The following NRG3 variants were observed in gnomAD, a reference collection of about 807,000 sequenced individuals.
NRG3 encodes the protein pro-neuregulin-3, membrane-bound isoform.
In NRG3, 31 loss-of-function variants were observed where a neutral mutation model predicts 66.9. That is an observed-to-expected ratio of 0.46 (90% CI 0.35 to 0.63). The LOEUF (loss-of-function observed/expected upper bound fraction) is 0.63. Ranked by LOEUF, NRG3 falls within the 20% of genes least tolerant of loss-of-function variation. The pLI, the probability that NRG3 is intolerant of heterozygous loss-of-function variation, is 0.00. For synonymous variants in NRG3, 393 were observed against 359.4 expected (o/e 1.09, Z -1.06); for missense variants, 910 against 878.9 (o/e 1.04, Z -0.45).
At chr10:82,491,150 T>C (rs1843057359) in intron 2 of NRG3, among the ~76,000 whole-genome samples, 1 of 151,704 alleles carries the variant, frequency 6.6e-6, no homozygotes, top group South Asian at 2.1e-4. Flanking sequence ...TCCCCAGATA[T>C]CAGCTTTAAT....
Position 82,661,783 on chromosome 10 carries a change from G to T in NRG3, c.954-76794G>T, listed in dbSNP as rs145494355. 1.1e-4 allele frequency among the ~76,000 whole-genome samples: 16 copies of T among 152,316 alleles called. No individual in the cohort carries two copies. In the East Asian group the frequency reaches 1.4e-3, roughly 13 times the overall value. ...TAGGTTGGTCTGCTGAGGTTGGGTT[G>T]CTATCCAACACAAAACGCAAGCACT... On this transcript the variant is annotated intron_variant, in intron 2 of 8. Transcript: ENST00000372141.
intron 1 of NRG3, among the ~76,000 whole-genome samples, chr10:82,022,286 G>C (rs1392517609): frequency 6.6e-6 from 1 of 152,036 alleles, no homozygotes; most frequent in Non-Finnish European, 1.5e-5. Flanking sequence ...TCTGGCAGAA[G>C]GCACCTGAGA....
chr10:82,064,100 A>T (rs1429398154), intron 1 of NRG3, among the ~76,000 whole-genome samples: 1 of 152,332 alleles, frequency 6.6e-6, no homozygotes, highest in East Asian at 1.9e-4. Context: ...AAAGATAGGG[A>T]AACAACATTG....
intron 1 of NRG3, among the ~76,000 whole-genome samples, chr10:82,112,185 A>G (rs1387798537): frequency 1.3e-5 from 2 of 152,184 alleles, no homozygotes; most frequent in African/African-American, 4.8e-5. Context: ...CGAGGCTGCA[A>G]TAAGCTGTGA....
chr10:82,113,869 G>A (rs1250237137), intron 1 of NRG3, among the ~76,000 whole-genome samples: 2 of 152,152 alleles, frequency 1.3e-5, no homozygotes, highest in Non-Finnish European at 2.9e-5. Flanking sequence ...ATAATTTCAT[G>A]TGGTTTAACC....
Position 82,237,314 on chromosome 10 carries a change from T to C in NRG3, c.824-121425T>C, listed in dbSNP as rs183099088. ...GCCTCTGTTTGCAAAGGTCATTCTT[T>C]ATATCCATCAGGTGTCAGTTAAAAT... On this transcript the variant is annotated intron_variant, in intron 1 of 8. Transcript: ENST00000372141. Among the ~76,000 whole-genome samples the C allele has an allele frequency of 3.4e-4, 52 of 152,316 alleles. No homozygotes were observed. In the East Asian group the frequency reaches 0.01, roughly 29 times the overall value.
chr10:82,363,364 A>G (rs1230824951), intron 2 of NRG3, among the ~76,000 whole-genome samples: 1 of 152,246 alleles, frequency 6.6e-6, no homozygotes, highest in East Asian at 1.9e-4. Flanking sequence ...GTGTCCACAA[A>G]TACTACTTGA....
rs969535366 is a variant in NRG3, at chr10:82,096,904, A to G, written c.823+220741A>G. On this transcript the variant is annotated intron_variant, in intron 1 of 8. Transcript: ENST00000372141. ...ATAAGCCCTGATTTATCCCAAGATA[A>G]TGCCTAGTTAGATTATTTTCTTTGC... Among the ~76,000 whole-genome samples the G allele has an allele frequency of 9.2e-5, 14 of 152,310 alleles. No individual in the cohort carries two copies. In the East Asian group the frequency reaches 2.1e-3, roughly 23 times the overall value.
intron 2 of NRG3, among the ~76,000 whole-genome samples, chr10:82,406,147 T>A (rs2087501010): frequency 6.6e-6 from 1 of 152,144 alleles, no homozygotes; most frequent in African/African-American, 2.4e-5. Context: ...CTGGATGACT[T>A]AGATGTTAAG....
At position 82,576,837 on chromosome 10, in the gene NRG3, A is replaced by G. The variant is rs967594126; in HGVS notation, c.954-161740A>G. Among the ~76,000 whole-genome samples the G allele has an allele frequency of 4.0e-5, 6 of 151,868 alleles. No homozygotes were observed. The South Asian group carries it at 8.3e-4, about 21-fold the overall frequency. ...TAATAGGTTTGTTAGTAAATAAACA[A>G]ATGTCTCTAGGCACATGCTGATGGC... On this transcript the variant is annotated intron_variant, in intron 2 of 8. Transcript: ENST00000372141.
chr10:82,312,701 A>C (rs2135000769), intron 1 of NRG3, among the ~76,000 whole-genome samples: 1 of 152,366 alleles, frequency 6.6e-6, no homozygotes, highest in South Asian at 2.1e-4. Flanking sequence ...AAAGATCAAA[A>C]ACGAAAAAGA....
intron 3 of NRG3, among the ~76,000 whole-genome samples, chr10:82,855,457 G>A (rs2063758170): frequency 6.6e-6 from 1 of 152,052 alleles, no homozygotes; most frequent in African/African-American, 2.4e-5. Flanking sequence ...GAGGGCAGTG[G>A]CACTATCTAG....
chr10:82,333,341 CAG>C (rs759037631), intron 1 of NRG3, among the ~76,000 whole-genome samples: 14 of 152,160 alleles, frequency 9.2e-5, no homozygotes, highest in South Asian at 4.1e-4. Flanking sequence ...GCTGAGGAAT[CAG>C]AGAGATCAAG....
At chr10:82,479,766 G>T (rs1217476828) in intron 2 of NRG3, among the ~76,000 whole-genome samples, 1 of 151,374 alleles carries the variant, frequency 6.6e-6, no homozygotes, top group African/African-American at 2.4e-5. Context: ...AGGAGATTGA[G>T]ACCATCCTGG....
At chr10:82,137,080 A>G (rs2069420271) in intron 1 of NRG3, among the ~76,000 whole-genome samples, 1 of 152,126 alleles carries the variant, frequency 6.6e-6, no homozygotes, top group African/African-American at 2.4e-5. Flanking sequence ...TAGTTGTTCA[A>G]TTTGATGTTC....
chr10:82,597,522 G>A (rs1299986115), intron 2 of NRG3, among the ~76,000 whole-genome samples: 1 of 152,160 alleles, frequency 6.6e-6, no homozygotes, highest in Admixed American at 6.6e-5. Flanking sequence ...TGAATTAGAA[G>A]CAGGGGCAGG....
At chr10:82,636,963 T>C (rs2050244992) in intron 2 of NRG3, among the ~76,000 whole-genome samples, 1 of 151,956 alleles carries the variant, frequency 6.6e-6, no homozygotes, top group Non-Finnish European at 1.5e-5. Flanking sequence ...AGCAGATATG[T>C]AGGATGAACA....
At chr10:82,167,557 C>T (rs1009817667) in intron 1 of NRG3, among the ~76,000 whole-genome samples, 9 of 151,990 alleles carry the variant, frequency 5.9e-5, no homozygotes, top group African/African-American at 1.9e-4. Context: ...CATATTAGCA[C>T]ATTATTATTA....
intron 1 of NRG3, among the ~76,000 whole-genome samples, chr10:82,267,585 C>T (rs184419474): frequency 1.3e-5 from 2 of 152,320 alleles, no homozygotes; most frequent in Non-Finnish European, 2.9e-5. Context: ...CAGACACATT[C>T]TTCATAGCTG....
Sources: gnomAD v4.1 joint callset for allele counts (sites outside exome capture counted in the v4.1 genomes callset) on GRCh38, gnomAD v4.1.1 for gene constraint, MANE v1.5 for transcripts, NCBI Gene and HGNC (gene_info 2026-07-23, HGNC 2026-07-21) for gene names.